Variants in CPLANE1 observed in about 807,000 individuals in gnomAD.
The protein encoded by CPLANE1 is ciliogenesis and planar polarity effector 1.
CPLANE1 carries 263 observed loss-of-function variants against 362.5 expected under a neutral mutation model. The ratio of observed to expected loss-of-function variants is 0.73; its 90% confidence interval spans 0.66 to 0.80. The LOEUF is 0.80. Ranked by LOEUF, CPLANE1 falls within the 30% of genes least tolerant of loss-of-function variation. The pLI, the probability that CPLANE1 is intolerant of heterozygous loss-of-function variation, is 0.00. For missense variants in CPLANE1, 3,461 were observed against 3,793.4 expected, an observed-to-expected ratio of 0.91 and a Z score of 2.30; for synonymous variants, 1,212 against 1,302.6, an observed-to-expected ratio of 0.93 and a Z score of 1.50.
intron 8 of CPLANE1, among the ~76,000 whole-genome samples, chr5:37,231,447 A>C (rs575105603): frequency 7.2e-5 from 11 of 152,082 alleles, no homozygotes; most frequent in Non-Finnish European, 1.5e-4. Context: ...GGTGCCCATA[A>C]TCCCAGCTAC....
chr5:37,135,136 T>C (rs539135509), intron 46 of CPLANE1, among the ~76,000 whole-genome samples: 1 of 152,254 alleles, frequency 6.6e-6, no homozygotes, highest in East Asian at 1.9e-4. Flanking sequence ...ATCCCAGAGA[T>C]TTTGGTATGT....
intron 32 of CPLANE1, among the ~76,000 whole-genome samples, chr5:37,173,519 G>A (rs1780359184): frequency 6.6e-6 from 1 of 151,900 alleles, no homozygotes; most frequent in African/African-American, 2.4e-5. Context: ...TGCCCAAGCT[G>A]GTTTCAAACT....
At position 37,182,787 on chromosome 5, in the gene CPLANE1, T is replaced by C. The variant is rs1783030072; in HGVS notation, c.5394A>G (p.Thr1798=). 1.2e-6 allele frequency: 2 copies of C among 1,612,268 alleles called. No homozygotes were observed. The highest frequency in any genetic ancestry group is 8.5e-7 in the Non-Finnish European group (1 of 1,179,472). Residue 1798 remains threonine (T), a synonymous_variant, in exon 26 of 53, where the codon ACA becomes ACG. Transcript: ENST00000651892. Reference sequence around the variant, plus strand: ...TAATAATGGCATTTTTTGCCTTATATGTAGCAAAATAGGGTTGTTCCAAAA... The same window carrying C: ...TAATAATGGCATTTTTTGCCTTATACGTAGCAAAATAGGGTTGTTCCAAAA... ...LWLLEQPYFA[T]YKAKNAIIKM...
Position 37,125,320 on chromosome 5 carries a change from CT to C in CPLANE1, c.8881del (p.Arg2961GlufsTer6). 1 of 1,613,938 alleles carries C rather than the reference CT, an allele frequency of 6.2e-7. No homozygotes were observed. The highest frequency in any genetic ancestry group is 1.3e-5 in the African/African-American group (1 of 75,006). On this transcript the variant is annotated frameshift_variant, in exon 47 of 53. Coordinates refer to ENST00000651892, the MANE Select transcript of CPLANE1 (RefSeq NM_001384732.1). LOFTEE classifies it high-confidence loss of function. Reference protein sequence around the residue: ...QAWMKRKRKERMAKYLNELAE... With the variant: ...QAWMKRKRKEXMAKYLNELAE... ...CAGCTCATTTAAGTACTTTGCCATT[CT>C]TTCTTTTCGTTTTCTTTTCATCCAG...
chr5:37,075,699 T>C, the CPLANE1 span, among the ~76,000 whole-genome samples: 1 of 152,132 alleles, frequency 6.6e-6, no homozygotes. Flanking sequence ...TTATTGTCAG[T>C]AGAGCCAGAA....
chr5:37,108,517 AT>A, intron 51 of CPLANE1, 46 bp from the exon 52 acceptor site: 1 of 1,498,210 alleles, frequency 6.7e-7, no homozygotes, highest in Non-Finnish European at 9.1e-7. Context: ...TGATTCATTC[AT>A]TCATTCATTC....
intron 46 of CPLANE1, among the ~76,000 whole-genome samples, chr5:37,137,906 A>C (rs1255010770): frequency 6.6e-6 from 1 of 151,698 alleles, no homozygotes; most frequent in Non-Finnish European, 1.5e-5. Context: ...CATATCAGTC[A>C]GATATCAGGG....
intron 32 of CPLANE1, among the ~76,000 whole-genome samples, chr5:37,170,677 C>CCT (rs1779548665): frequency 2.6e-5 from 4 of 152,130 alleles, no homozygotes; most frequent in Non-Finnish European, 5.9e-5. Flanking sequence ...GTGGCTCACG[C>CCT]CTGTAATCCC....
Position 37,153,964 on chromosome 5 carries a change from C to T in CPLANE1, c.8149G>A (p.Gly2717Arg). Reference sequence around the variant, plus strand: ...GCAGAGTCTGACTTTGTGCTCTGTCCTTTGAATCGGAACTCTGGTTTTGGC... The same window carrying T: ...GCAGAGTCTGACTTTGTGCTCTGTCTTTTGAATCGGAACTCTGGTTTTGGC... ...GLPKPEFRFKGQSTKSDSAED... is the reference protein window; with the variant it reads ...GLPKPEFRFKRQSTKSDSAED... The change falls in exon 42 of 53, where the codon GGA (glycine) becomes AGA (arginine). Residue 2717 changes from glycine (G) to arginine (R), a missense_variant. Transcript: ENST00000651892. The T allele has an allele frequency of 6.2e-7, 1 of 1,612,322 alleles. No homozygotes were observed. The highest frequency in any genetic ancestry group is 8.5e-7 in the Non-Finnish European group (1 of 1,178,804).
At chr5:37,193,726 T>C (rs1786333610) in intron 21 of CPLANE1, among the ~76,000 whole-genome samples, 1 of 152,014 alleles carries the variant, frequency 6.6e-6, no homozygotes, top group African/African-American at 2.4e-5. Flanking sequence ...GAAAGGAACC[T>C]TGTTTTTTTG....
chr5:37,185,851 G>A (rs1162948809), intron 24 of CPLANE1, among the ~76,000 whole-genome samples: 1 of 152,014 alleles, frequency 6.6e-6, no homozygotes, highest in Admixed American at 6.6e-5. Flanking sequence ...TTCTAATTTT[G>A]AAGAACAAAA....
At chr5:37,115,599 T>TC (rs1760705338) in intron 50 of CPLANE1, among the ~76,000 whole-genome samples, 1 of 143,888 alleles carries the variant, frequency 6.9e-6, no homozygotes, top group Non-Finnish European at 1.5e-5. Context: ...TTTTATTTCT[T>TC]TTTTTTTTTT....
chr5:37,158,368 T>C, intron 38 of CPLANE1, 23 bp from the exon 39 acceptor site: 2 of 1,595,718 alleles, frequency 1.3e-6, no homozygotes, highest in Non-Finnish European at 1.7e-6. Flanking sequence ...AAAGAAATAA[T>C]CAGGAACATT....
the CPLANE1 span, among the ~76,000 whole-genome samples, chr5:37,082,757 C>G: frequency 2.1e-5 from 3 of 140,562 alleles, no homozygotes; most frequent in African/African-American, 8.4e-5. Context: ...ATTCCATGTA[C>G]GTGGAAACCC....
chr5:37,221,280 C>G, intron 15 of CPLANE1, 44 bp downstream of exon 15: 1 of 1,346,584 alleles, frequency 7.4e-7, no homozygotes, highest in Non-Finnish European at 9.9e-7. Flanking sequence ...TAGGGAGACC[C>G]TGTCTCTTTT....
chr5:37,196,078 G>T, intron 20 of CPLANE1, 82 bp from the exon 21 acceptor site: 1 of 1,177,314 alleles, frequency 8.5e-7, no homozygotes, highest in Non-Finnish European at 1.2e-6. Context: ...AATCAGGCAG[G>T]TAAGATAAGC....
chr5:37,158,045 T>C, intron 39 of CPLANE1, 177 bp from the exon 40 acceptor site: 3 of 794,810 alleles, frequency 3.8e-6, no homozygotes, highest in Admixed American at 6.1e-5. Flanking sequence ...GTATGTATTA[T>C]TGGTCTTAGT....
chr5:37,108,836 C>A (rs1758310607), intron 51 of CPLANE1, among the ~76,000 whole-genome samples: 1 of 152,210 alleles, frequency 6.6e-6, no homozygotes. Flanking sequence ...GTGAAAACTT[C>A]TTAGAAGCAA....
chr5:37,122,353 G>C, intron 48 of CPLANE1, 77 bp downstream of exon 48: 1 of 1,103,596 alleles, frequency 9.1e-7, no homozygotes, highest in Non-Finnish European at 1.4e-6. Context: ...TGTGAAAACA[G>C]AATTCCTAAG....
Sources: allele counts gnomAD v4.1 joint callset (sites outside exome capture counted in the v4.1 genomes callset), GRCh38; gene constraint gnomAD v4.1.1; transcripts MANE v1.5; gene names NCBI Gene and HGNC (gene_info 2026-07-23, HGNC 2026-07-21).